Variants in NFIX observed in about 807,000 individuals in gnomAD.
The protein encoded by NFIX is nuclear factor 1 X-type.
In NFIX, 2 loss-of-function variants were observed where a neutral mutation model predicts 53.3. The observed-to-expected ratio is 0.04, with a 90% CI of 0.02 to 0.12. NFIX has a LOEUF of 0.12. NFIX is among the 10% of genes least tolerant of loss of function. The pLI is 1.00. For missense variants in NFIX, 310 were observed against 674.5 expected (o/e 0.46, Z 5.99); for synonymous variants, 244 against 289.0 (o/e 0.84, Z 1.58).
At chr19:13,024,984 T>C (rs1405310377) in intron 1 of NFIX, 37 bp from the exon 2 acceptor site, 1 of 1,559,512 alleles carries the variant, frequency 6.4e-7, no homozygotes, top group East Asian at 2.4e-5. Context: ...CCTCCCGTCC[T>C]CCCTCGCCCC....
Position 13,094,589 on chromosome 19 carries a change from C to T in NFIX, c.1495-46C>T, listed in dbSNP as rs2018328456. 6.5e-7 allele frequency: 1 copy of T among 1,534,282 alleles called. No individual in the cohort carries two copies. The highest frequency in any genetic ancestry group is 8.7e-7 in the Non-Finnish European group (1 of 1,145,534). On this transcript the variant is annotated intron_variant, in intron 10 of 10. Transcript: ENST00000592199. This position sits in a 1 kb window ranked among gnomAD's most constrained non-coding sequence, Gnocchi z 4.3. ...GGGCCAGGTAGGAGTGAGATGGGAC[C>T]TGCCCCAGCTGTTCTCAGTATCGCC...
chr19:13,058,972 G>A (rs1322257749), intron 2 of NFIX, among the ~76,000 whole-genome samples: 2 of 152,066 alleles, frequency 1.3e-5, no homozygotes, highest in Non-Finnish European at 2.9e-5. Flanking sequence ...CGGAGCCACC[G>A]TCTCACCTTT....
At chr19:13,075,773 C>A (rs1293768793) in intron 6 of NFIX, 102 bp downstream of exon 6, 2 of 1,342,776 alleles carry the variant, frequency 1.5e-6, no homozygotes, top group South Asian at 1.4e-5. Flanking sequence ...GTCCCCCTGT[C>A]GGGGGGCATT....
intron 2 of NFIX, among the ~76,000 whole-genome samples, chr19:13,030,427 G>A (rs1047216058): frequency 3.3e-5 from 5 of 152,198 alleles, no homozygotes; most frequent in Non-Finnish European, 5.9e-5. Context: ...GGGAGCCCAA[G>A]GCTGACTCTC....
intron 2 of NFIX, among the ~76,000 whole-genome samples, chr19:13,057,350 A>C (rs909386626): frequency 6.6e-6 from 1 of 152,156 alleles, no homozygotes; most frequent in Non-Finnish European, 1.5e-5. Context: ...CATCCCCCAA[A>C]TTACTGGCTG....
At chr19:12,999,498 AC>A (rs2011597674) in intron 1 of NFIX, among the ~76,000 whole-genome samples, 2 of 148,364 alleles carry the variant, frequency 1.3e-5, no homozygotes, top group African/African-American at 5.3e-5. Context: ...ACACACACAC[AC>A]ACACACACAC....
At position 13,037,725 on chromosome 19, in the gene NFIX, A is replaced by G. The variant is rs1244387107; in HGVS notation, c.559+12173A>G. Among the ~76,000 whole-genome samples the G allele has an allele frequency of 6.6e-6, 1 of 152,172 alleles. No individual in the cohort carries two copies. Among genetic ancestry groups the G allele is most frequent in the Non-Finnish European group, 1.5e-5 (1 of 67,994 alleles). Reference sequence around the variant, plus strand: ...GCAAACTGGGATTGTTGGTCACCCTAGAACAGTGATTTTCAACCAAGGGCA... The same window carrying G: ...GCAAACTGGGATTGTTGGTCACCCTGGAACAGTGATTTTCAACCAAGGGCA... On this transcript the variant is annotated intron_variant, in intron 2 of 10. Coordinates refer to ENST00000592199, the MANE Select transcript of NFIX (RefSeq NM_001365902.3). This position sits in a 1 kb window ranked among gnomAD's most constrained non-coding sequence, Gnocchi z 4.2.
At chr19:13,000,382 G>A (rs2011634573) in intron 1 of NFIX, among the ~76,000 whole-genome samples, 1 of 151,996 alleles carries the variant, frequency 6.6e-6, no homozygotes, top group South Asian at 2.1e-4. Context: ...AGACAGGATC[G>A]AGCACCTCCC....
At chr19:13,062,760 A>G (rs1417724815) in intron 2 of NFIX, among the ~76,000 whole-genome samples, 1 of 152,188 alleles carries the variant, frequency 6.6e-6, no homozygotes, top group Non-Finnish European at 1.5e-5. Flanking sequence ...CTTGTCCATG[A>G]GCCCAGGGTC....
rs1203585802 is a variant in NFIX at position 13,043,966 on chromosome 19, A to G, written c.559+18414A>G. 6.6e-6 allele frequency among the ~76,000 whole-genome samples: 1 copy of G among 152,126 alleles called. No individual in the cohort carries two copies. The highest frequency in any genetic ancestry group is 1.5e-5 in the Non-Finnish European group (1 of 68,030). ...AAGACCCCCATCTCTATAAAATAAA[A>G]TTTAAAAAAAAAGAAAAAAGAGAAA... On this transcript the variant is annotated intron_variant, in intron 2 of 10. Coordinates refer to ENST00000592199, the MANE Select transcript of NFIX (RefSeq NM_001365902.3). The surrounding 1 kb of genome is among the most constrained non-coding windows in gnomAD (Gnocchi z 4.0).
chr19:13,041,762 C>T (rs1403927028), intron 2 of NFIX, among the ~76,000 whole-genome samples: 3 of 150,148 alleles, frequency 2.0e-5, no homozygotes, highest in Non-Finnish European at 4.4e-5. Context: ...CCACTGCACT[C>T]CAGCCTGGGC....
At chr19:13,071,903 C>T (rs1055826845) in intron 2 of NFIX, among the ~76,000 whole-genome samples, 1 of 152,228 alleles carries the variant, frequency 6.6e-6, no homozygotes, top group African/African-American at 2.4e-5. Context: ...CTCACCCCAA[C>T]CCTAGGGCTG....
chr19:13,023,991 C>A, intron 1 of NFIX: 1 of 1,275,154 alleles, frequency 7.8e-7, no homozygotes, highest in Non-Finnish European at 1.0e-6. Flanking sequence ...AGTCCAGAAT[C>A]TCAGAATCGG....
chr19:13,025,034 C>T lies in NFIX; in HGVS notation c.41C>T (p.Pro14Leu), dbSNP rs1041237175. 1.2e-6 allele frequency: 2 copies of T among 1,607,730 alleles called. No individual in the cohort carries two copies. Among genetic ancestry groups the T allele is most frequent in the Admixed American group, 1.7e-5 (1 of 58,684 alleles). The change falls in exon 2 of 11, where the codon CCG becomes CTG. Residue 14 changes from proline to leucine, a missense_variant. By Grantham distance (98) the Pro-to-Leu change is moderately conservative. Around this residue, in one of 5 missense-constraint regions of NFIX, gnomAD observed 64 missense variants for 144.5 expected, o/e 0.44. Coordinates refer to ENST00000592199, the MANE Select transcript of NFIX (RefSeq NM_001365902.3). This position sits in a 1 kb window ranked among gnomAD's most constrained non-coding sequence, Gnocchi z 7.5. ...PYCLTQDEFH[P>L]FIEALLPHVR... ...TGCCGCCTGCAGGATGAGTTCCACC[C>T]GTTCATCGAGGCACTGCTGCCTCAC...
Position 13,002,864 on chromosome 19 carries a change from C to G in NFIX, c.27+7000C>G, listed in dbSNP as rs1230122253. ...AGTGCCCACCACCATCGCCAAGGAC[C>G]CTGCCCCCTCAGCTGAAGCTCAGTG... On this transcript the variant is annotated intron_variant, in intron 1 of 10. Coordinates refer to ENST00000592199, the MANE Select transcript of NFIX (RefSeq NM_001365902.3). The surrounding 1 kb of genome is among the most constrained non-coding windows in gnomAD (Gnocchi z 6.1). 1.3e-5 allele frequency among the ~76,000 whole-genome samples: 2 copies of G among 152,142 alleles called. No homozygotes were observed. The highest frequency in any genetic ancestry group is 4.8e-5 in the African/African-American group (2 of 41,446).
At chr19:13,038,977 G>T (rs1488802752) in intron 2 of NFIX, among the ~76,000 whole-genome samples, 1 of 152,206 alleles carries the variant, frequency 6.6e-6, no homozygotes, top group African/African-American at 2.4e-5. Flanking sequence ...GGTCCTGCCT[G>T]CTGTGCCAAA....
At position 12,998,138 on chromosome 19, in the gene NFIX, G is replaced by A. The variant is rs746421935; in HGVS notation, c.27+2274G>A. On this transcript the variant is annotated intron_variant, in intron 1 of 10. Transcript: ENST00000592199. This position sits in a 1 kb window ranked among gnomAD's most constrained non-coding sequence, Gnocchi z 4.4. Reference sequence around the variant, plus strand: ...CTCTTTCCTTTGCTGTCTTTTTCTCGGTCTGTTTTTATCGGTCTCTGGTGT... The same window carrying A: ...CTCTTTCCTTTGCTGTCTTTTTCTCAGTCTGTTTTTATCGGTCTCTGGTGT... Among the ~76,000 whole-genome samples the A allele has an allele frequency of 6.6e-6, 1 of 151,926 alleles. No homozygotes were observed. The highest frequency in any genetic ancestry group is 1.5e-5 in the Non-Finnish European group (1 of 67,994).
In NFIX at chr19:13,081,587, C is replaced by T; in HGVS notation, c.1079-93C>T. The T allele has an allele frequency of 7.4e-7, 1 of 1,344,280 alleles. No homozygotes were observed. The highest frequency in any genetic ancestry group is 1.0e-6 in the Non-Finnish European group (1 of 985,856). The allele number at this position is 1,344,280 out of a possible 1,614,324, so 83.3% of individuals were successfully genotyped here. ...CCTTACCTGCTCAGGATCCTCAGGA[C>T]CCTCTGACCGGCAGCTCCCCTCCTC... On this transcript the variant is annotated intron_variant, in intron 7 of 10. Coordinates refer to ENST00000592199, the MANE Select transcript of NFIX (RefSeq NM_001365902.3). This position sits in a 1 kb window ranked among gnomAD's most constrained non-coding sequence, Gnocchi z 4.7.
rs1455170815 is a variant in NFIX at position 13,090,900 on chromosome 19, C to G, written c.1494+510C>G. 6.6e-6 allele frequency among the ~76,000 whole-genome samples: 1 copy of G among 152,198 alleles called. No individual in the cohort carries two copies. The highest frequency in any genetic ancestry group is 1.5e-5 in the Non-Finnish European group (1 of 68,030). On this transcript the variant is annotated intron_variant, in intron 10 of 10. Transcript: ENST00000592199. This position sits in a 1 kb window ranked among gnomAD's most constrained non-coding sequence, Gnocchi z 6.6. ...GGGCAGGCCGCCACCCTAGAGGCCC[C>G]TCACCCAAGTCTCCAGGAGTCCTGT...
Sources: gnomAD v4.1 joint callset for allele counts (sites outside exome capture counted in the v4.1 genomes callset) on GRCh38, gnomAD v4.1.1 for gene constraint, gnomAD v4.1.1 regional missense constraint, Gnocchi (gnomAD v3.1) non-coding constraint, MANE v1.5 for transcripts, NCBI Gene and HGNC (gene_info 2026-07-23, HGNC 2026-07-21) for gene names.